ITGA8: variants seen among roughly 807,000 people sequenced by gnomAD.
ITGA8 encodes the protein integrin alpha-8.
In ITGA8, 91 loss-of-function variants were observed where a neutral mutation model predicts 142.3. The ratio of observed to expected loss-of-function variants is 0.64; its 90% CI spans 0.54 to 0.76. The LOEUF (loss-of-function observed/expected upper bound fraction) is 0.76, where lower values mean the gene tolerates loss of function less well. Among genes scored for constraint, ITGA8 ranks in the 30% least tolerant of loss-of-function variants. The probability of loss-of-function intolerance (pLI) is 0.00; values close to 1 mark genes in which losing one functional copy is unlikely to be tolerated. For synonymous variants in ITGA8, 505 were observed against 485.2 expected (o/e 1.04, Z -0.54); for missense variants, 1,406 against 1,327.7 (o/e 1.06, Z -0.92).
chr10:15,535,468 G>C (rs1389916574), intron 27 of ITGA8, among the ~76,000 whole-genome samples: 4 of 152,196 alleles, frequency 2.6e-5, no homozygotes, highest in Non-Finnish European at 2.9e-5. Flanking sequence ...TCGGCACTGT[G>C]TATGTAGCTC....
intron 8 of ITGA8, among the ~76,000 whole-genome samples, chr10:15,666,966 G>C (rs1368290525): frequency 2.0e-5 from 3 of 152,126 alleles, no homozygotes; most frequent in Admixed American, 6.5e-5. Flanking sequence ...CAAGGATATT[G>C]GTCTAAAATT....
At chr10:15,628,753 G>A (rs1393652036) in intron 13 of ITGA8, among the ~76,000 whole-genome samples, 1 of 151,902 alleles carries the variant, frequency 6.6e-6, no homozygotes, top group Non-Finnish European at 1.5e-5. Flanking sequence ...AACAATTGAT[G>A]TGCTCAAGGT....
intron 2 of ITGA8, among the ~76,000 whole-genome samples, chr10:15,713,212 G>A (rs759070546): frequency 5.3e-5 from 8 of 152,186 alleles, no homozygotes; most frequent in Non-Finnish European, 1.0e-4. Context: ...AGTCATAGTA[G>A]CCATCATGAA....
At chr10:15,537,139 A>G (rs556714540) in intron 27 of ITGA8, among the ~76,000 whole-genome samples, 1 of 152,310 alleles carries the variant, frequency 6.6e-6, no homozygotes, top group African/African-American at 2.4e-5. Flanking sequence ...TGTTCGTTAC[A>G]TGGACAGAAA....
intron 21 of ITGA8, among the ~76,000 whole-genome samples, chr10:15,595,991 C>A (rs1477602289): frequency 6.6e-6 from 1 of 152,176 alleles, no homozygotes; most frequent in Non-Finnish European, 1.5e-5. Flanking sequence ...GCAGAGGTTG[C>A]GGTGAGCTAA....
In ITGA8 at chr10:15,592,243, A is replaced by C. The variant is rs1227369150; in HGVS notation, c.2273T>G (p.Phe758Cys). The C allele has an allele frequency of 3.1e-6, 5 of 1,613,626 alleles. No individual in the cohort carries two copies. The highest frequency in any genetic ancestry group is 2.2e-5 in the South Asian group (2 of 91,048). The change falls in exon 22 of 30, where the codon TTC (phenylalanine) becomes TGC (cysteine). Residue 758 changes from phenylalanine to cysteine, a missense_variant. By Grantham distance (205) the Phe-to-Cys change is radical. Transcript: ENST00000378076. The stretch of plus-strand genomic sequence containing the variant: ...GTCTAACCTTCTGATTTGGAGATCG[A>C]AGTTAATGCTCATGTTTGTTTTCTC... ...RLEKTNMSIN[F>C]DLQIRSSNKD...
intron 2 of ITGA8, among the ~76,000 whole-genome samples, chr10:15,694,821 G>A (rs1738256832): frequency 6.6e-6 from 1 of 151,074 alleles, no homozygotes; most frequent in African/African-American, 2.4e-5. Flanking sequence ...TGGCACTCAG[G>A]AATGAACTTA....
At chr10:15,534,231 G>A (rs1422272845) in intron 27 of ITGA8, among the ~76,000 whole-genome samples, 4 of 152,238 alleles carry the variant, frequency 2.6e-5, no homozygotes, top group South Asian at 2.1e-4. Flanking sequence ...CTTGACTGCC[G>A]TTTCTGGTGG....
At chr10:15,568,547 A>T (rs969646113) in intron 25 of ITGA8, among the ~76,000 whole-genome samples, 13 of 152,202 alleles carry the variant, frequency 8.5e-5, no homozygotes, top group Admixed American at 7.9e-4. Flanking sequence ...GCTGAGACTT[A>T]TGTGAGAAGA....
intron 24 of ITGA8, among the ~76,000 whole-genome samples, chr10:15,574,664 C>T (rs1032687271): frequency 6.6e-6 from 1 of 151,882 alleles, no homozygotes; most frequent in African/African-American, 2.4e-5. Context: ...GCTGGGATTA[C>T]AGGCGTGAGC....
In ITGA8 at chr10:15,523,191, T is replaced by C. The variant is rs986860746; in HGVS notation, c.2983-3779A>G. On this transcript the variant is annotated intron_variant, in intron 28 of 29. Transcript: ENST00000378076. ...TGGAATGGGCTGAGTGGATACCTAC[T>C]GAGTACTTTGCTAGGTGACTTTGCC... Among the ~76,000 whole-genome samples, 3 of 152,196 alleles carry C rather than the reference T, an allele frequency of 2.0e-5. No individual in the cohort carries two copies. In the East Asian group the frequency reaches 5.8e-4, roughly 29 times the overall value.
chr10:15,575,445 T>G (rs1834268435), intron 24 of ITGA8, 44 bp downstream of exon 24: 2 of 1,308,980 alleles, frequency 1.5e-6, no homozygotes, highest in South Asian at 2.4e-5. Context: ...GCACAGAGCT[T>G]AAGAATAAAC....
At chr10:15,699,020 T>TTA (rs1835109163) in intron 2 of ITGA8, among the ~76,000 whole-genome samples, 1 of 152,206 alleles carries the variant, frequency 6.6e-6, no homozygotes, top group African/African-American at 2.4e-5. Context: ...GCACAGTGGC[T>TTA]CATGCCTGTA....
At chr10:15,617,530 C>T (rs1232037166) in intron 13 of ITGA8, among the ~76,000 whole-genome samples, 5 of 152,038 alleles carry the variant, frequency 3.3e-5, no homozygotes. Flanking sequence ...TCCCAAGTAG[C>T]TGGGACTACA....
chr10:15,576,405 T>A (rs951977591), intron 23 of ITGA8, among the ~76,000 whole-genome samples: 40 of 152,232 alleles, frequency 2.6e-4, no homozygotes, highest in African/African-American at 9.6e-4. Context: ...GATTACAAAC[T>A]AAATTATTAT....
intron 8 of ITGA8, among the ~76,000 whole-genome samples, chr10:15,664,297 T>A (rs1834344387): frequency 6.6e-6 from 1 of 152,184 alleles, no homozygotes; most frequent in African/African-American, 2.4e-5. Context: ...TGCCTTTTAA[T>A]ACCTTGAAGA....
intron 13 of ITGA8, among the ~76,000 whole-genome samples, chr10:15,626,024 G>A (rs1833575483): frequency 6.6e-6 from 1 of 152,130 alleles, no homozygotes; most frequent in Admixed American, 6.6e-5. Context: ...CAGGTATACA[G>A]GAAGAAACAG....
chr10:15,683,550 A>G (rs950918880), intron 4 of ITGA8, among the ~76,000 whole-genome samples: 3 of 152,372 alleles, frequency 2.0e-5, no homozygotes, highest in Non-Finnish European at 4.4e-5. Flanking sequence ...CATGCAGACA[A>G]TCTGCATACA....
chr10:15,606,234 C>G, intron 18 of ITGA8, 51 bp downstream of exon 18: 1 of 1,528,186 alleles, frequency 6.5e-7, no homozygotes. Flanking sequence ...GAGAACAACA[C>G]CCCAGAGAGC....
Sources: allele counts gnomAD v4.1 joint callset (sites outside exome capture counted in the v4.1 genomes callset), GRCh38; gene constraint gnomAD v4.1.1; transcripts MANE v1.5; gene names NCBI Gene and HGNC (gene_info 2026-07-23, HGNC 2026-07-21).